The following RPH3A variants were observed in gnomAD, a reference collection of about 807,000 sequenced individuals.
RPH3A encodes rabphilin 3A, also known as rabphilin-3A.
RPH3A carries 48 observed loss-of-function variants against 102.2 expected under a neutral mutation model. The observed-to-expected ratio is 0.47, with a 90% confidence interval of 0.37 to 0.60. RPH3A has a LOEUF of 0.60. RPH3A is among the 20% of genes least tolerant of loss of function. RPH3A has a pLI of 0.00. For missense variants in RPH3A, 781 were observed against 910.1 expected (o/e 0.86, Z 1.83); for synonymous variants, 310 against 324.3 (o/e 0.96, Z 0.47).
intron 5 of RPH3A, among the ~76,000 whole-genome samples, chr12:112,853,409 T>C (rs935238393): frequency 7.2e-5 from 11 of 152,204 alleles, no homozygotes; most frequent in Admixed American, 2.6e-4. Flanking sequence ...TTTATCAAGT[T>C]TGGGGGGACT....
At chr12:112,888,805 G>T (rs2043045710) in intron 17 of RPH3A, among the ~76,000 whole-genome samples, 1 of 152,252 alleles carries the variant, frequency 6.6e-6, no homozygotes, top group African/African-American at 2.4e-5. Flanking sequence ...GCTAAGATTT[G>T]TGGGGGTCTC....
At chr12:112,735,191 AG>A (rs2040660626) in intron 1 of RPH3A, among the ~76,000 whole-genome samples, 1 of 152,230 alleles carries the variant, frequency 6.6e-6, no homozygotes, top group Non-Finnish European at 1.5e-5. Context: ...ACACAATTTA[AG>A]AGCTTAGTAT....
At chr12:112,637,452 G>C (rs189751714) in intron 1 of RPH3A, among the ~76,000 whole-genome samples, 1 of 152,228 alleles carries the variant, frequency 6.6e-6, no homozygotes, top group African/African-American at 2.4e-5. Context: ...GGAGGACTGG[G>C]GAGGATCATG....
chr12:112,694,409 C>G (rs1200885621), intron 1 of RPH3A, among the ~76,000 whole-genome samples: 1 of 152,070 alleles, frequency 6.6e-6, no homozygotes, highest in Non-Finnish European at 1.5e-5. Flanking sequence ...GTACAGGTCT[C>G]TGGGGCAAGT....
At chr12:112,881,334 G>T (rs915043575) in intron 14 of RPH3A, among the ~76,000 whole-genome samples, 1 of 152,158 alleles carries the variant, frequency 6.6e-6, no homozygotes, top group Non-Finnish European at 1.5e-5. Context: ...CAGAATGCAG[G>T]AGCATCCTCC....
At chr12:112,801,240 C>A (rs2136104234) in intron 2 of RPH3A, among the ~76,000 whole-genome samples, 1 of 152,310 alleles carries the variant, frequency 6.6e-6, no homozygotes, top group Middle Eastern at 3.4e-3. Context: ...AAAGAACCAG[C>A]CGGACTGGGC....
intron 1 of RPH3A, among the ~76,000 whole-genome samples, chr12:112,674,088 CTGTT>C (rs1233831099): frequency 6.6e-6 from 1 of 152,120 alleles, no homozygotes. Flanking sequence ...GACAGGGTCT[CTGTT>C]TGTCACCCAG....
At chr12:112,730,719 G>A (rs1387548219) in intron 1 of RPH3A, among the ~76,000 whole-genome samples, 4 of 152,112 alleles carry the variant, frequency 2.6e-5, no homozygotes, top group African/African-American at 7.2e-5. Flanking sequence ...TCTACAACCC[G>A]TGAAAATACC....
At chr12:112,579,856 A>T (rs7305492) in intron 1 of RPH3A, among the ~76,000 whole-genome samples, 17,530 of 152,062 alleles carry the variant, frequency 0.12, 1,220 homozygotes, top group South Asian at 0.36. Flanking sequence ...CAGCCTCCTG[A>T]GTAGCTGGGA....
intron 1 of RPH3A, among the ~76,000 whole-genome samples, chr12:112,762,207 A>T (rs1054033743): frequency 6.6e-6 from 1 of 152,180 alleles, no homozygotes; most frequent in African/African-American, 2.4e-5. Flanking sequence ...GAGGGATGGA[A>T]CCATCTCTTT....
chr12:112,646,665 T>G (rs1162654212), intron 1 of RPH3A, among the ~76,000 whole-genome samples: 1 of 152,212 alleles, frequency 6.6e-6, no homozygotes, highest in Non-Finnish European at 1.5e-5. Context: ...CTACTAGCTG[T>G]GTGACTTTGG....
At chr12:112,621,238 C>T (rs1401058590) in intron 1 of RPH3A, among the ~76,000 whole-genome samples, 1 of 151,966 alleles carries the variant, frequency 6.6e-6, no homozygotes, top group African/African-American at 2.4e-5. Context: ...CTCCGGTCTA[C>T]AGCTCCCAGC....
intron 1 of RPH3A, among the ~76,000 whole-genome samples, chr12:112,687,803 G>T (rs2040277367): frequency 1.3e-5 from 2 of 152,094 alleles, no homozygotes; most frequent in South Asian, 2.1e-4. Context: ...TGGTATATGG[G>T]CCAATGTCCC....
At chr12:112,628,186 C>T (rs1397127691) in intron 1 of RPH3A, among the ~76,000 whole-genome samples, 4 of 151,822 alleles carry the variant, frequency 2.6e-5, no homozygotes, top group Non-Finnish European at 4.4e-5. Context: ...CACAAGGTGA[C>T]GTTTGAGCAG....
chr12:112,743,276 A>C (rs902278549), intron 1 of RPH3A, among the ~76,000 whole-genome samples: 1 of 152,058 alleles, frequency 6.6e-6, no homozygotes, highest in Non-Finnish European at 1.5e-5. Context: ...AGCGTGGAAC[A>C]CTCCAGGCTC....
intron 1 of RPH3A, among the ~76,000 whole-genome samples, chr12:112,760,545 G>A (rs1233614254): frequency 6.6e-6 from 1 of 152,224 alleles, no homozygotes; most frequent in Non-Finnish European, 1.5e-5. Context: ...CACTTGTGAA[G>A]TTATAATGAA....
chr12:112,859,171 C>CA (rs911811836), intron 5 of RPH3A, among the ~76,000 whole-genome samples: 11 of 151,588 alleles, frequency 7.3e-5, no homozygotes, highest in Middle Eastern at 3.4e-3. Flanking sequence ...CCTTCCATTT[C>CA]AAAAAAAAGA....
chr12:112,579,180 T>C (rs2039379472), intron 1 of RPH3A, among the ~76,000 whole-genome samples: 1 of 152,110 alleles, frequency 6.6e-6, no homozygotes, highest in Non-Finnish European at 1.5e-5. Context: ...AAGGATCTGA[T>C]TGGTTGGATT....
chr12:112,587,585 C>G (rs562879118), intron 1 of RPH3A, among the ~76,000 whole-genome samples: 2 of 152,252 alleles, frequency 1.3e-5, no homozygotes, highest in South Asian at 2.1e-4. Flanking sequence ...GTGGTTGGCT[C>G]TCTTATTTCA....
Sources: gnomAD v4.1 joint callset for allele counts (sites outside exome capture counted in the v4.1 genomes callset) on GRCh38, gnomAD v4.1.1 for gene constraint, MANE v1.5 for transcripts, NCBI Gene and HGNC (gene_info 2026-07-23, HGNC 2026-07-21) for gene names.